The following ATP13A5 variants were observed in gnomAD, a reference collection of about 807,000 sequenced individuals.
ATP13A5 encodes probable cation-transporting ATPase 13A5.
Under a neutral mutation model 150.2 loss-of-function variants are expected in ATP13A5, and 149 were observed. The ratio of observed to expected loss-of-function variants is 0.99; its 90% confidence interval spans 0.87 to 1.14. The LOEUF is 1.14. Ranked by LOEUF, ATP13A5 falls within the 50% of genes most tolerant of loss-of-function variation. The pLI is 0.00. For missense variants in ATP13A5, 1,383 were observed against 1,449.3 expected, an observed-to-expected ratio of 0.95 and a Z score of 0.74; for synonymous variants, 497 against 522.2, an observed-to-expected ratio of 0.95 and a Z score of 0.66.
At chr3:193,292,188 CAGG>C (rs1717981525) in intron 25 of ATP13A5, among the ~76,000 whole-genome samples, 1 of 151,998 alleles carries the variant, frequency 6.6e-6, no homozygotes, top group South Asian at 2.1e-4. Flanking sequence ...GATCAGGGCT[CAGG>C]AGAAGTGCAA....
At chr3:193,324,747 G>T in intron 14 of ATP13A5, 117 bp downstream of exon 14, 2 of 1,126,914 alleles carry the variant, frequency 1.8e-6, no homozygotes, top group Non-Finnish European at 2.5e-6. Context: ...AGTGTTACAC[G>T]CTTATACATA....
At chr3:193,339,926 T>C (rs1712050361) in intron 9 of ATP13A5, among the ~76,000 whole-genome samples, 2 of 152,186 alleles carry the variant, frequency 1.3e-5, no homozygotes, top group Non-Finnish European at 2.9e-5. Context: ...ATGGAAGTCA[T>C]TTGCAGATAA....
At chr3:193,291,086 T>C (rs1429984604) in intron 25 of ATP13A5, among the ~76,000 whole-genome samples, 1 of 152,096 alleles carries the variant, frequency 6.6e-6, no homozygotes, top group Non-Finnish European at 1.5e-5. Context: ...AACTCTATAG[T>C]ATTTCTTTGC....
At chr3:193,323,661 T>G (rs1161804841) in intron 14 of ATP13A5, 1 of 152,216 alleles carries the variant, frequency 6.6e-6, no homozygotes, top group Admixed American at 6.5e-5. Context: ...ATACACCGAT[T>G]CCTCTCCATT....
At chr3:193,344,102 T>C in intron 8 of ATP13A5, 47 bp from the exon 9 acceptor site, 1 of 1,593,932 alleles carries the variant, frequency 6.3e-7, no homozygotes, top group Non-Finnish European at 8.5e-7. Context: ...TTTCCTGTTT[T>C]TACTTAAGAA....
chr3:193,303,035 G>A (rs1718465163), intron 23 of ATP13A5, among the ~76,000 whole-genome samples: 1 of 152,202 alleles, frequency 6.6e-6, no homozygotes, highest in Non-Finnish European at 1.5e-5. Flanking sequence ...AGCATCTGAA[G>A]TTCGAATGCC....
rs1348644471 is a variant in ATP13A5, at chr3:193,290,085, T to A, written c.2849-26A>T. 7 of 1,569,440 alleles carry A rather than the reference T, an allele frequency of 4.5e-6. No homozygotes were observed. The South Asian group carries it at 7.3e-5, about 16-fold the overall frequency. ...CTGAAAGACAAATACATTTTTTTCC[T>A]ATTACAATCTTATCATTGAGAATAA... is the stretch of plus-strand genomic sequence containing the variant. On this transcript the variant is annotated intron_variant, in intron 25 of 29. Transcript: ENST00000342358.
intron 1 of ATP13A5, among the ~76,000 whole-genome samples, chr3:193,375,701 G>A (rs181159409): frequency 6.4e-4 from 97 of 152,250 alleles, no homozygotes; most frequent in African/African-American, 2.1e-3. Context: ...ACCTAGTACC[G>A]CACCATGCCC....
At chr3:193,276,566 C>G (rs142655202) in intron 29 of ATP13A5, among the ~76,000 whole-genome samples, 184 bp downstream of exon 29, 1 of 152,306 alleles carries the variant, frequency 6.6e-6, no homozygotes, top group Non-Finnish European at 1.5e-5. Flanking sequence ...TCTATGCAGA[C>G]TTCAAATAAT....
At chr3:193,369,696 G>A (rs1345299524) in intron 1 of ATP13A5, among the ~76,000 whole-genome samples, 1 of 152,156 alleles carries the variant, frequency 6.6e-6, no homozygotes, top group African/African-American at 2.4e-5. Flanking sequence ...TGGGATGAAA[G>A]TGTCTGAATC....
intron 25 of ATP13A5, among the ~76,000 whole-genome samples, chr3:193,292,171 G>A (rs760588126): frequency 5.9e-5 from 9 of 152,050 alleles, no homozygotes; most frequent in Non-Finnish European, 8.8e-5. Flanking sequence ...TACACAGTGT[G>A]GACTGTGATC....
intron 26 of ATP13A5, among the ~76,000 whole-genome samples, 188 bp from the exon 27 acceptor site, chr3:193,285,304 C>G (rs1319216886): frequency 6.6e-6 from 1 of 152,188 alleles, no homozygotes; most frequent in Non-Finnish European, 1.5e-5. Flanking sequence ...CAAGATTGTT[C>G]TTTGTCTGGC....
In ATP13A5 at chr3:193,343,971, A is replaced by ACAG; in HGVS notation, c.896_898dup (p.Ala299dup). On this transcript the variant is annotated inframe_insertion, in exon 9 of 30. Coordinates refer to ENST00000342358, the MANE Select transcript of ATP13A5 (RefSeq NM_198505.4). ...CACCACGCAGCTTCCATCAATCAAA[A>ACAG]CAGCATCACATGGCAATGAAAATTT... The ACAG allele has an allele frequency of 6.2e-7, 1 of 1,613,478 alleles. No homozygotes were observed. Among genetic ancestry groups the ACAG allele is most frequent in the Non-Finnish European group, 8.5e-7 (1 of 1,179,604 alleles).
rs747394157 is a variant in ATP13A5 at position 193,331,111 on chromosome 3, T to C, written c.1461+12A>G. ...AATCATTAACATTAAACCTGAGAAGTCTGGATCATACTTTGTCAAAGCACA... is the reference window on the plus strand; with the variant it reads ...AATCATTAACATTAAACCTGAGAAGCCTGGATCATACTTTGTCAAAGCACA... On this transcript the variant is annotated intron_variant, in intron 12 of 29. Coordinates refer to ENST00000342358, the MANE Select transcript of ATP13A5 (RefSeq NM_198505.4). 1.9e-6 allele frequency: 3 copies of C among 1,611,080 alleles called. No individual in the cohort carries two copies. In the South Asian group the frequency reaches 3.3e-5, roughly 18 times the overall value.
At chr3:193,276,932 CT>C in intron 28 of ATP13A5, 102 bp from the exon 29 acceptor site, 1 of 863,984 alleles carries the variant, frequency 1.2e-6, no homozygotes, top group Non-Finnish European at 1.8e-6. Context: ...ACTCTCTGAG[CT>C]TAGTGGTGGG....
chr3:193,314,450 C>T, intron 18 of ATP13A5: 1 of 412,976 alleles, frequency 2.4e-6, no homozygotes, highest in Non-Finnish European at 4.4e-6. Context: ...AATACTTAAG[C>T]ATTTATGACC....
intron 1 of ATP13A5, among the ~76,000 whole-genome samples, chr3:193,366,622 AT>A (rs1713247125): frequency 6.6e-6 from 1 of 152,054 alleles, no homozygotes; most frequent in Non-Finnish European, 1.5e-5. Context: ...AATTGATAGA[AT>A]TTAAATCTAC....
At chr3:193,343,819 C>T (rs1577361030) in intron 9 of ATP13A5, 108 bp downstream of exon 9, 2 of 1,323,768 alleles carry the variant, frequency 1.5e-6, no homozygotes, top group African/African-American at 3.0e-5. Context: ...GTGTCTCCCT[C>T]ACCTATCTCT....
At chr3:193,336,768 G>T (rs1356324884) in intron 9 of ATP13A5, among the ~76,000 whole-genome samples, 1 of 152,108 alleles carries the variant, frequency 6.6e-6, no homozygotes, top group East Asian at 1.9e-4. Flanking sequence ...GGGATGGCTG[G>T]GTCAAATGGT....
Sources: gnomAD v4.1 joint callset for allele counts (sites outside exome capture counted in the v4.1 genomes callset) on GRCh38, gnomAD v4.1.1 for gene constraint, MANE v1.5 for transcripts, NCBI Gene and HGNC (gene_info 2026-07-23, HGNC 2026-07-21) for gene names.